Variants in ASPH observed in about 807,000 individuals in gnomAD.
The protein encoded by ASPH is aspartyl/asparaginyl beta-hydroxylase.
A neutral mutation model predicts 118.4 loss-of-function variants in ASPH; 100 were observed. That is an observed-to-expected ratio of 0.84 (90% CI 0.72 to 1.00). The LOEUF (loss-of-function observed/expected upper bound fraction) is 1.00. Among genes scored for constraint, ASPH ranks in the 50% least tolerant of loss-of-function variants. ASPH has a pLI of 0.00. For missense variants in ASPH, 920 were observed against 919.5 expected (o/e 1.00, Z -0.01); for synonymous variants, 315 against 325.6 (o/e 0.97, Z 0.35).
rs1348103889 is a variant in ASPH at position 61,501,957 on chromosome 8, TG to T, written c.*1401del. The T allele has an allele frequency of 2.0e-5, 3 of 152,196 alleles. No individual in the cohort carries two copies. Among genetic ancestry groups the T allele is most frequent in the Admixed American group, 2.0e-4 (3 of 15,272 alleles). 9.4% of individuals were successfully genotyped at this position (152,196 alleles called of 1,614,324 possible). On this transcript the variant is annotated 3_prime_UTR_variant, in exon 25 of 25. Coordinates refer to ENST00000379454, the MANE Select transcript of ASPH (RefSeq NM_004318.4). ...ATATGTGCCATTCATGCAGCATTTT[TG>T]TTCATATTGGCTTAGAATTCAGTGC...
chr8:61,683,282 A>C (rs1183323945), intron 2 of ASPH, among the ~76,000 whole-genome samples: 1 of 152,088 alleles, frequency 6.6e-6, no homozygotes, highest in Admixed American at 6.6e-5. Flanking sequence ...GTAAAAAAAA[A>C]CTGAATTGTA....
intron 1 of ASPH, among the ~76,000 whole-genome samples, chr8:61,703,569 G>A (rs13282078): frequency 0.018 from 2,735 of 151,908 alleles, 47 homozygotes; most frequent in Middle Eastern, 0.038. Flanking sequence ...AGAAAAATGC[G>A]TAAAAAGAGC....
intron 14 of ASPH, among the ~76,000 whole-genome samples, chr8:61,606,254 T>C (rs1427017091): frequency 6.6e-6 from 1 of 152,230 alleles, no homozygotes; most frequent in Non-Finnish European, 1.5e-5. Context: ...CAATTAATGC[T>C]ACTTCCACCC....
At chr8:61,713,616 G>A (rs193166199) in intron 1 of ASPH, among the ~76,000 whole-genome samples, 3 of 152,322 alleles carry the variant, frequency 2.0e-5, no homozygotes, top group Admixed American at 2.0e-4. Context: ...CGGACGAGGA[G>A]AAAGGTGAAT....
intron 3 of ASPH, among the ~76,000 whole-genome samples, chr8:61,666,896 A>G (rs527932771): frequency 7.9e-5 from 12 of 152,342 alleles, no homozygotes; most frequent in African/African-American, 2.9e-4. Flanking sequence ...CTTATTCTGA[A>G]AACTGCTTTT....
At chr8:61,663,265 T>C (rs1172873104) in intron 3 of ASPH, 16 of 985,228 alleles carry the variant, frequency 1.6e-5, no homozygotes, top group Non-Finnish European at 1.8e-5. Flanking sequence ...TCAACTCCCA[T>C]TCCAAAGCTT....
chr8:61,714,183 G>T lies in ASPH; in HGVS notation c.103+86C>A, dbSNP rs1838797308. The T allele has an allele frequency of 7.4e-6, 10 of 1,344,964 alleles. No homozygotes were observed. The South Asian group carries it at 1.8e-4, about 24-fold the overall frequency. 83.3% of individuals were successfully genotyped at this position (1,344,964 alleles called of 1,614,324 possible). A position where few individuals can be genotyped will look rare whatever the true frequency, so the allele number is the denominator to read the frequency against. The stretch of plus-strand genomic sequence containing the variant: ...GGAGGCGGCGCGCGGTGGGACCTGG[G>T]GAGATGCACCCGCAGCGTCCGCCGC... On this transcript the variant is annotated intron_variant, in intron 1 of 24. Transcript: ENST00000379454.
At position 61,562,776 on chromosome 8, in the gene ASPH, C is replaced by A; in HGVS notation, c.1405G>T (p.Asp469Tyr). 2.5e-6 allele frequency: 4 copies of A among 1,609,600 alleles called. No homozygotes were observed. The highest frequency in any genetic ancestry group is 3.4e-6 in the Non-Finnish European group (4 of 1,178,484). The change falls in exon 18 of 25, where the codon GAT becomes TAT. Residue 469 changes from aspartate to tyrosine, a missense_variant. Physicochemically the swap from Asp to Tyr is radical, Grantham distance 160. Transcript: ENST00000379454. ...TAAACTTTCTTTGCATTGTCATTAT[C>A]TCCTATCAAGAGGTATCCCACGCCA... ...DLGVGYLLIG[D>Y]NDNAKKVYEE...
At chr8:61,563,817 C>A (rs1830770248) in intron 17 of ASPH, among the ~76,000 whole-genome samples, 1 of 152,220 alleles carries the variant, frequency 6.6e-6, no homozygotes, top group Non-Finnish European at 1.5e-5. Context: ...CTCCTATTAT[C>A]CACAACAAAA....
chr8:61,693,117 T>C (rs918438237), intron 1 of ASPH, among the ~76,000 whole-genome samples: 1 of 152,158 alleles, frequency 6.6e-6, no homozygotes, highest in Non-Finnish European at 1.5e-5. Context: ...GGAAGTCTTC[T>C]ACACCCCAAG....
intron 15 of ASPH, among the ~76,000 whole-genome samples, chr8:61,577,075 G>C (rs1441460033): frequency 6.6e-6 from 1 of 151,844 alleles, no homozygotes; most frequent in Non-Finnish European, 1.5e-5. Flanking sequence ...AAGACAGAAG[G>C]ACAGAAAACC....
intron 14 of ASPH, among the ~76,000 whole-genome samples, chr8:61,596,854 C>T (rs1009303353): frequency 1.3e-5 from 2 of 152,142 alleles, no homozygotes; most frequent in Non-Finnish European, 2.9e-5. Flanking sequence ...GAAGACATGA[C>T]ACTTCCAAGG....
intron 1 of ASPH, among the ~76,000 whole-genome samples, chr8:61,701,727 T>G (rs1835288890): frequency 6.6e-6 from 1 of 152,182 alleles, no homozygotes; most frequent in African/African-American, 2.4e-5. Flanking sequence ...AAAGTTCAAT[T>G]TTTAACAAAC....
At chr8:61,612,437 G>A (rs1847733167) in intron 14 of ASPH, among the ~76,000 whole-genome samples, 2 of 150,718 alleles carry the variant, frequency 1.3e-5, no homozygotes, top group Non-Finnish European at 2.9e-5. Flanking sequence ...GCAGTGGTGT[G>A]ATTTCAGCTC....
Position 61,584,600 on chromosome 8 carries a change from CTCTT to C in ASPH, c.977-575_977-572del, listed in dbSNP as rs554907525. Among the ~76,000 whole-genome samples, 356 of 150,704 alleles carry C rather than the reference CTCTT, an allele frequency of 2.4e-3. 1 individual carries two copies. The highest frequency in any genetic ancestry group is 0.01 in the Middle Eastern group (3 of 294). ...AAATAAGCTTTTTGTGCCATTTCTT[CTCTT>C]TCTTTCTTTTTCTTCTTTCTTTCTT... On this transcript the variant is annotated intron_variant, in intron 14 of 24. Coordinates refer to ENST00000379454, the MANE Select transcript of ASPH (RefSeq NM_004318.4).
At chr8:61,531,433 G>T (rs1176811145) in intron 21 of ASPH, among the ~76,000 whole-genome samples, 1 of 152,086 alleles carries the variant, frequency 6.6e-6, no homozygotes, top group Non-Finnish European at 1.5e-5. Context: ...AATTCTGAAA[G>T]TGTCTCAAGC....
chr8:61,705,848 C>T (rs1332499229), intron 1 of ASPH, among the ~76,000 whole-genome samples: 1 of 152,050 alleles, frequency 6.6e-6, no homozygotes, highest in Non-Finnish European at 1.5e-5. Context: ...GTGAAATATA[C>T]TAATACCTGC....
intron 14 of ASPH, among the ~76,000 whole-genome samples, chr8:61,585,225 T>G (rs554166570): frequency 6.6e-6 from 1 of 152,054 alleles, no homozygotes; most frequent in African/African-American, 2.4e-5. Flanking sequence ...ACCCAGCAGG[T>G]GAGAGGGCCA....
intron 18 of ASPH, among the ~76,000 whole-genome samples, chr8:61,558,772 T>G (rs1461243817): frequency 6.6e-6 from 1 of 152,146 alleles, no homozygotes; most frequent in Non-Finnish European, 1.5e-5. Context: ...CAACAAACCC[T>G]CAGAAAATGA....
Sources: allele counts gnomAD v4.1 joint callset (sites outside exome capture counted in the v4.1 genomes callset), GRCh38; gene constraint gnomAD v4.1.1; transcripts MANE v1.5; gene names NCBI Gene and HGNC (gene_info 2026-07-23, HGNC 2026-07-21).